Variants in FHIT observed in about 807,000 individuals in gnomAD.
FHIT encodes bis(5'-adenosyl)-triphosphatase.
Under a neutral mutation model 17.9 loss-of-function variants are expected in FHIT, and 19 were observed. That is an observed-to-expected ratio of 1.06 (90% CI 0.74 to 1.56). FHIT has a LOEUF of 1.56. Ranked by LOEUF, FHIT falls within the 40% of genes most tolerant of loss-of-function variation. The pLI, the probability that FHIT is intolerant of heterozygous loss-of-function variation, is 0.00. For synonymous variants in FHIT, 81 were observed against 69.7 expected, an observed-to-expected ratio of 1.16 and a Z score of -0.81; for missense variants, 248 against 189.2, an observed-to-expected ratio of 1.31 and a Z score of -1.82.
At chr3:60,899,300 T>A (rs1363142602) in intron 3 of FHIT, among the ~76,000 whole-genome samples, 1 of 152,346 alleles carries the variant, frequency 6.6e-6, no homozygotes, top group Non-Finnish European at 1.5e-5. Context: ...CATTTGCATA[T>A]CTTTTTACAC....
At chr3:60,878,534 A>G (rs1206764143) in intron 3 of FHIT, among the ~76,000 whole-genome samples, 2 of 151,756 alleles carry the variant, frequency 1.3e-5, no homozygotes, top group African/African-American at 4.9e-5. Flanking sequence ...GTACATGTGC[A>G]CAATGTGCAG....
chr3:61,191,701 G>A (rs966107849), intron 2 of FHIT, among the ~76,000 whole-genome samples: 1 of 152,108 alleles, frequency 6.6e-6, no homozygotes, highest in African/African-American at 2.4e-5. Flanking sequence ...CAGCTGCTCT[G>A]ATATCCCTTT....
At chr3:60,736,413 T>G (rs911284251) in intron 4 of FHIT, among the ~76,000 whole-genome samples, 11 of 152,310 alleles carry the variant, frequency 7.2e-5, no homozygotes, top group South Asian at 6.2e-4. Context: ...TACTAATGAA[T>G]GGATAAACAA....
At chr3:61,240,459 T>G (rs1368519663) in intron 1 of FHIT, among the ~76,000 whole-genome samples, 1 of 152,054 alleles carries the variant, frequency 6.6e-6, no homozygotes, top group South Asian at 2.1e-4. Context: ...TCTCCCAGGG[T>G]GGGCATTTGC....
chr3:61,151,554 CTTGTG>C (rs2037388601), intron 2 of FHIT, among the ~76,000 whole-genome samples: 5 of 145,438 alleles, frequency 3.4e-5, no homozygotes, highest in Non-Finnish European at 6.0e-5. Context: ...CACAGAATGG[CTTGTG>C]ATATTCTTTT....
intron 8 of FHIT, among the ~76,000 whole-genome samples, chr3:59,767,921 A>T (rs149516038): frequency 6.6e-6 from 1 of 152,190 alleles, no homozygotes; most frequent in Admixed American, 6.5e-5. Context: ...TGAGGCTCTA[A>T]CTTAACTTAA....
At chr3:59,834,705 A>C (rs2106720124) in intron 8 of FHIT, among the ~76,000 whole-genome samples, 1 of 152,244 alleles carries the variant, frequency 6.6e-6, no homozygotes, top group East Asian at 1.9e-4. Flanking sequence ...TGGCTTAATC[A>C]CTTATCAAAG....
At chr3:61,236,170 C>A (rs1246476990) in intron 1 of FHIT, among the ~76,000 whole-genome samples, 1 of 146,858 alleles carries the variant, frequency 6.8e-6, no homozygotes, top group South Asian at 2.1e-4. Context: ...ATAACATATA[C>A]TATAATAATA....
At chr3:60,926,612 C>A (rs868990149) in intron 3 of FHIT, among the ~76,000 whole-genome samples, 1 of 152,180 alleles carries the variant, frequency 6.6e-6, no homozygotes, top group Admixed American at 6.5e-5. Flanking sequence ...CAGGAAAGAT[C>A]TAAAATTGAC....
intron 8 of FHIT, among the ~76,000 whole-genome samples, chr3:59,779,561 T>C (rs1397787129): frequency 6.6e-6 from 1 of 152,180 alleles, no homozygotes; most frequent in African/African-American, 2.4e-5. Context: ...CTTCCATTCA[T>C]GAAAACATCA....
intron 4 of FHIT, among the ~76,000 whole-genome samples, chr3:60,713,576 T>C (rs2041599955): frequency 6.6e-6 from 1 of 151,428 alleles, no homozygotes; most frequent in Non-Finnish European, 1.5e-5. Context: ...ATAGACACAA[T>C]AAAAAATGAT....
At chr3:60,181,693 T>C (rs1259229526) in intron 5 of FHIT, among the ~76,000 whole-genome samples, 1 of 152,198 alleles carries the variant, frequency 6.6e-6, no homozygotes, top group African/African-American at 2.4e-5. Flanking sequence ...AGATTTGTGA[T>C]CTGGTCTCAC....
chr3:61,028,181 T>C (rs1311403234), intron 3 of FHIT, among the ~76,000 whole-genome samples: 1 of 152,208 alleles, frequency 6.6e-6, no homozygotes, highest in East Asian at 1.9e-4. Flanking sequence ...AGTAGGCTCA[T>C]AGCTTCAAGT....
At chr3:60,042,857 C>T (rs768545398) in intron 5 of FHIT, among the ~76,000 whole-genome samples, 1 of 152,032 alleles carries the variant, frequency 6.6e-6, no homozygotes, top group South Asian at 2.1e-4. Flanking sequence ...ATGTCTAATG[C>T]CCCAAAGTGG....
chr3:60,901,620 C>T (rs1706116637), intron 3 of FHIT, among the ~76,000 whole-genome samples: 1 of 152,164 alleles, frequency 6.6e-6, no homozygotes, highest in Non-Finnish European at 1.5e-5. Context: ...CACTGGGTGT[C>T]CAAGTAGCAG....
intron 5 of FHIT, among the ~76,000 whole-genome samples, chr3:60,219,695 T>C (rs1159855262): frequency 2.0e-5 from 3 of 152,130 alleles, no homozygotes; most frequent in Non-Finnish European, 4.4e-5. Flanking sequence ...GAAAATAAAC[T>C]ATCTGTTTCT....
chr3:60,065,780 C>G (rs1169802272), intron 5 of FHIT, among the ~76,000 whole-genome samples: 1 of 152,142 alleles, frequency 6.6e-6, no homozygotes, highest in African/African-American at 2.4e-5. Flanking sequence ...CATCCCATGG[C>G]CAACTACTCA....
intron 5 of FHIT, among the ~76,000 whole-genome samples, chr3:60,201,743 A>C (rs999338116): frequency 6.6e-6 from 1 of 152,164 alleles, no homozygotes; most frequent in Non-Finnish European, 1.5e-5. Context: ...GTCAATACTA[A>C]TAAATAGCTG....
chr3:60,433,005 A>G (rs919215454), intron 5 of FHIT, among the ~76,000 whole-genome samples: 6 of 151,990 alleles, frequency 3.9e-5, no homozygotes, highest in African/African-American at 1.4e-4. Flanking sequence ...CTGTACACAC[A>G]TTACACAGAT....
Sources: allele counts gnomAD v4.1 joint callset (sites outside exome capture counted in the v4.1 genomes callset), GRCh38; gene constraint gnomAD v4.1.1; transcripts MANE v1.5; gene names NCBI Gene and HGNC (gene_info 2026-07-23, HGNC 2026-07-21).